The following ARID5B variants were observed in gnomAD, a reference collection of about 807,000 sequenced individuals.
ARID5B encodes AT-rich interaction domain 5B.
Under a neutral mutation model 97.2 loss-of-function variants are expected in ARID5B, and 13 were observed. The ratio of observed to expected loss-of-function variants is 0.13; its 90% CI spans 0.09 to 0.21. The LOEUF (loss-of-function observed/expected upper bound fraction) is 0.21. ARID5B is among the 10% of genes least tolerant of loss of function. The probability of loss-of-function intolerance (pLI) is 1.00; values close to 1 mark genes in which losing one functional copy is unlikely to be tolerated. For synonymous variants in ARID5B, 556 were observed against 570.3 expected (o/e 0.97, Z 0.36); for missense variants, 1,210 against 1,465.3 (o/e 0.83, Z 2.84).
intron 4 of ARID5B, among the ~76,000 whole-genome samples, chr10:62,038,479 T>G (rs1385171509): frequency 6.6e-6 from 1 of 152,230 alleles, no homozygotes; most frequent in Non-Finnish European, 1.5e-5. Flanking sequence ...AACATCAGTC[T>G]ATTTTTGGTT....
At chr10:61,991,946 C>T (rs565444711) in intron 3 of ARID5B, among the ~76,000 whole-genome samples, 6 of 152,108 alleles carry the variant, frequency 3.9e-5, no homozygotes, top group East Asian at 1.9e-4. Context: ...GTAGGAGAAT[C>T]GCTTGAACCC....
At chr10:62,087,298 C>CAAAAAAAAAAAAAA (rs71299289) in intron 9 of ARID5B, among the ~76,000 whole-genome samples, 4 of 40,920 alleles carry the variant, frequency 9.8e-5, no homozygotes, top group East Asian at 7.9e-4. Flanking sequence ...GACTCTATCT[C>CAAAAAAAAAAAAAA]AAAAAAAAAA....
chr10:61,983,705 T>C lies in ARID5B; in HGVS notation c.503-16386T>C, dbSNP rs1032512556. 6.6e-5 allele frequency among the ~76,000 whole-genome samples: 10 copies of C among 151,408 alleles called. No homozygotes were observed. The South Asian group carries it at 1.9e-3, about 28-fold the overall frequency. On this transcript the variant is annotated intron_variant, in intron 3 of 9. Transcript: ENST00000279873. The stretch of plus-strand genomic sequence containing the variant: ...GAGATCTCGGCTGCTGACCTGCGTA[T>C]GAAGCACTTGCCCCATGGAAGTTGT...
Position 62,091,584 on chromosome 10 carries a change from C to T in ARID5B, c.2121C>T (p.Ser707=). ...TGAGTGGGGCCAGCCTCTCCAGCAGCTACCCTTATGGCTCCCCACCCCCTT... is the reference window on the plus strand; with the variant it reads ...TGAGTGGGGCCAGCCTCTCCAGCAGTTACCCTTATGGCTCCCCACCCCCTT... The part of the protein sequence containing the change: ...SQVSGASLSS[S]YPYGSPPPLI... The change falls in exon 10 of 10, where the codon AGC becomes AGT. Residue 707 remains serine, a synonymous_variant. Transcript: ENST00000279873. The T allele has an allele frequency of 6.2e-7, 1 of 1,612,666 alleles. No homozygotes were observed. Among genetic ancestry groups the T allele is most frequent in the Non-Finnish European group, 8.5e-7 (1 of 1,179,438 alleles).
chr10:61,902,543 G>A (rs1843634288), intron 2 of ARID5B, 130 bp downstream of exon 2: 2 of 1,285,908 alleles, frequency 1.6e-6, no homozygotes, highest in Non-Finnish European at 2.1e-6. Flanking sequence ...TTTTTAAAGG[G>A]GTAGCGCCAC....
At chr10:61,996,826 T>C (rs573537708) in intron 3 of ARID5B, among the ~76,000 whole-genome samples, 1 of 151,888 alleles carries the variant, frequency 6.6e-6, no homozygotes, top group African/African-American at 2.4e-5. Flanking sequence ...TTTTGCTTCT[T>C]TGTTCTATGT....
chr10:61,955,241 G>C (rs1475683768), intron 3 of ARID5B, among the ~76,000 whole-genome samples: 1 of 152,126 alleles, frequency 6.6e-6, no homozygotes, highest in African/African-American at 2.4e-5. Context: ...GCCCTGCTTT[G>C]GACCTCCATA....
intron 9 of ARID5B, among the ~76,000 whole-genome samples, chr10:62,089,844 G>A (rs1840344963): frequency 6.6e-6 from 1 of 152,146 alleles, no homozygotes; most frequent in African/African-American, 2.4e-5. Flanking sequence ...AAGTTCAAGG[G>A]ATGAGATGGA....
At chr10:61,978,715 C>G (rs1589243577) in intron 3 of ARID5B, among the ~76,000 whole-genome samples, 1 of 152,224 alleles carries the variant, frequency 6.6e-6, no homozygotes, top group East Asian at 1.9e-4. Flanking sequence ...GATTTTGTAT[C>G]CTGAGACTTC....
At chr10:61,961,397 A>G (rs1288050153) in intron 3 of ARID5B, among the ~76,000 whole-genome samples, 1 of 152,188 alleles carries the variant, frequency 6.6e-6, no homozygotes, top group Non-Finnish European at 1.5e-5. Context: ...TCTCTTGGGC[A>G]ACAGCCTAAC....
chr10:61,941,134 A>G (rs1004007815), intron 3 of ARID5B, among the ~76,000 whole-genome samples: 2 of 150,400 alleles, frequency 1.3e-5, no homozygotes. Context: ...TCTAAGCCTC[A>G]GTTTCCCCAT....
chr10:61,961,621 G>A (rs1439028498), intron 3 of ARID5B, among the ~76,000 whole-genome samples: 1 of 152,230 alleles, frequency 6.6e-6, no homozygotes, highest in Non-Finnish European at 1.5e-5. Flanking sequence ...ATGAAATGCT[G>A]TAGGAACAGT....
rs149198672 is a variant in ARID5B, at chr10:62,048,329, T to C, written c.734-2559T>C. 1.6e-3 allele frequency among the ~76,000 whole-genome samples: 246 copies of C among 152,310 alleles called. 1 individual carries two copies. Among genetic ancestry groups the C allele is most frequent in the African/African-American group, 4.5e-3 (186 of 41,578 alleles). ...TCTTGCCCTTAAGGATTCTCCAGTC[T>C]GGTATAATAATATGCCAAAAACCAC... On this transcript the variant is annotated intron_variant, in intron 4 of 9. Coordinates refer to ENST00000279873, the MANE Select transcript of ARID5B (RefSeq NM_032199.3).
Position 62,091,083 on chromosome 10 carries a change from TCCACTC to T in ARID5B, c.1624_1629del (p.Leu542_Pro543del). 1.2e-6 allele frequency: 2 copies of T among 1,613,956 alleles called. No individual in the cohort carries two copies. The highest frequency in any genetic ancestry group is 1.7e-6 in the Non-Finnish European group (2 of 1,179,946). On this transcript the variant is annotated inframe_deletion, in exon 10 of 10. Coordinates refer to ENST00000279873, the MANE Select transcript of ARID5B (RefSeq NM_032199.3). ...AGGCGGGAGAGAAGGGGCCCACACC[TCCACTC>T]CCAAGTGCTCCTCTGGCCCCAGAAA...
At chr10:61,958,561 A>G (rs1490693463) in intron 3 of ARID5B, among the ~76,000 whole-genome samples, 4 of 152,144 alleles carry the variant, frequency 2.6e-5, no homozygotes, top group African/African-American at 7.2e-5. Flanking sequence ...TCTCATACAC[A>G]TGATTGTTGA....
chr10:61,980,812 G>C (rs1349239658), intron 3 of ARID5B, among the ~76,000 whole-genome samples: 1 of 152,182 alleles, frequency 6.6e-6, no homozygotes, highest in Non-Finnish European at 1.5e-5. Context: ...ACCCTGAACA[G>C]GAATGGAGAG....
At chr10:61,967,530 A>T (rs1307872198) in intron 3 of ARID5B, among the ~76,000 whole-genome samples, 1 of 152,228 alleles carries the variant, frequency 6.6e-6, no homozygotes, top group East Asian at 1.9e-4. Context: ...TTGTTCACAC[A>T]GTGTCATGCA....
intron 8 of ARID5B, among the ~76,000 whole-genome samples, chr10:62,078,905 G>A (rs1219707767): frequency 4.6e-5 from 7 of 152,218 alleles, no homozygotes; most frequent in Non-Finnish European, 1.0e-4. Flanking sequence ...CCGATATTAA[G>A]TTGGGCATGA....
chr10:61,922,154 A>T (rs1015014260), intron 2 of ARID5B, among the ~76,000 whole-genome samples: 1 of 152,242 alleles, frequency 6.6e-6, no homozygotes, highest in Non-Finnish European at 1.5e-5. Context: ...AACAAGCCAT[A>T]TCGGGTCTTT....
Sources: gnomAD v4.1 joint callset for allele counts (sites outside exome capture counted in the v4.1 genomes callset) on GRCh38, gnomAD v4.1.1 for gene constraint, MANE v1.5 for transcripts, NCBI Gene and HGNC (gene_info 2026-07-23, HGNC 2026-07-21) for gene names.